Variants in DRC10 observed in about 807,000 individuals in gnomAD.
DRC10 encodes dynein regulatory complex subunit 10, also known as IQ domain-containing protein D.
the DRC10 span, among the ~76,000 whole-genome samples, chr12:113,217,534 T>C: frequency 6.6e-6 from 1 of 152,176 alleles, no homozygotes; most frequent in Non-Finnish European, 1.5e-5. Context: ...TTTTTTGTTG[T>C]GGTTGTTTTG....
chr12:113,202,586 A>G, the DRC10 span, among the ~76,000 whole-genome samples: 1 of 152,140 alleles, frequency 6.6e-6, no homozygotes, highest in Middle Eastern at 3.2e-3. Context: ...GGGTGTGGCT[A>G]CAAGATATGC....
chr12:113,200,320 C>A, the DRC10 span: 22 of 638,422 alleles, frequency 3.4e-5, no homozygotes, highest in Non-Finnish European at 5.5e-5. Flanking sequence ...AGCTGGCATG[C>A]AGCAATGCTG....
chr12:113,205,605 T>C, the DRC10 span, among the ~76,000 whole-genome samples: 7 of 152,118 alleles, frequency 4.6e-5, no homozygotes, highest in East Asian at 1.4e-3. Flanking sequence ...AATAAAGAAA[T>C]CAGGCCGGGC....
At chr12:113,199,037 A>C in the DRC10 span, among the ~76,000 whole-genome samples, 3 of 152,158 alleles carry the variant, frequency 2.0e-5, no homozygotes, top group East Asian at 5.8e-4. Flanking sequence ...TCCTGAGTTC[A>C]AGCAATTCTC....
At chr12:113,217,645 C>G in the DRC10 span, among the ~76,000 whole-genome samples, 3 of 152,222 alleles carry the variant, frequency 2.0e-5, no homozygotes, top group African/African-American at 7.2e-5. Context: ...AATTCTCGTG[C>G]CTCAGCCTCC....
chr12:113,197,969 C>T, the DRC10 span, among the ~76,000 whole-genome samples: 1 of 152,212 alleles, frequency 6.6e-6, no homozygotes, highest in African/African-American at 2.4e-5. Flanking sequence ...GTAATCCCAG[C>T]GCTTTGGGAG....
the DRC10 span, among the ~76,000 whole-genome samples, chr12:113,220,230 G>T: frequency 6.6e-6 from 1 of 152,090 alleles, no homozygotes; most frequent in Non-Finnish European, 1.5e-5. Flanking sequence ...TAGGATAAAG[G>T]CAAAAGTGGT....
At chr12:113,220,309 G>A in the DRC10 span, among the ~76,000 whole-genome samples, 4 of 152,166 alleles carry the variant, frequency 2.6e-5, no homozygotes, top group Non-Finnish European at 2.9e-5. Flanking sequence ...GGGCTGGAGT[G>A]CAATGGCGCT....
chr12:113,206,245 T>C, the DRC10 span: 1 of 149,276 alleles, frequency 6.7e-6, no homozygotes, highest in African/African-American at 2.5e-5. Context: ...AAGAAATCAA[T>C]ATACTCTGTT....
At chr12:113,197,558 CTG>C in the DRC10 span, 68 of 1,533,796 alleles carry the variant, frequency 4.4e-5, no homozygotes, top group South Asian at 6.5e-4. Flanking sequence ...TCACCCATCT[CTG>C]TATCATATTT....
At chr12:113,204,959 T>A in the DRC10 span, among the ~76,000 whole-genome samples, 2 of 152,064 alleles carry the variant, frequency 1.3e-5, no homozygotes, top group Non-Finnish European at 2.9e-5. Context: ...ATCCCTAGCT[T>A]GGAAGGTTCT....
At chr12:113,207,991 G>A in the DRC10 span, 74 of 1,613,944 alleles carry the variant, frequency 4.6e-5, no homozygotes, top group Middle Eastern at 1.6e-4. Context: ...CTTGTAGATC[G>A]CCTCATCCAG....
the DRC10 span, chr12:113,207,888 C>A: frequency 1.2e-6 from 2 of 1,614,078 alleles, no homozygotes; most frequent in Non-Finnish European, 1.7e-6. Context: ...GATCCTCATG[C>A]TCTCTCACTG....
chr12:113,219,525 T>C, the DRC10 span, among the ~76,000 whole-genome samples: 1 of 152,234 alleles, frequency 6.6e-6, no homozygotes, highest in South Asian at 2.1e-4. Context: ...AATTGAGTTG[T>C]CCTCTTATTG....
At chr12:113,195,528 CCTGGTCT>C in the DRC10 span, 1 of 1,525,086 alleles carries the variant, frequency 6.6e-7, no homozygotes, top group Non-Finnish European at 8.8e-7. Flanking sequence ...GCCTTCCTGG[CCTGGTCT>C]CTGGGAAGAT....
At chr12:113,201,159 C>T in the DRC10 span, among the ~76,000 whole-genome samples, 157 of 152,146 alleles carry the variant, frequency 1.0e-3, no homozygotes, top group African/African-American at 3.5e-3. Context: ...AAGCAACTCT[C>T]CATATCCACT....
chr12:113,201,829 G>A, the DRC10 span, among the ~76,000 whole-genome samples: 1 of 152,236 alleles, frequency 6.6e-6, no homozygotes, highest in African/African-American at 2.4e-5. Flanking sequence ...CAGTGCCTTT[G>A]GGGCAAGCCC....
At chr12:113,208,257 A>T in the DRC10 span, 1 of 1,488,024 alleles carries the variant, frequency 6.7e-7, no homozygotes, top group African/African-American at 1.4e-5. Context: ...GTCTCTGGCC[A>T]TCCTGCAAAA....
At chr12:113,205,661 G>C in the DRC10 span, among the ~76,000 whole-genome samples, 1 of 151,240 alleles carries the variant, frequency 6.6e-6, no homozygotes, top group African/African-American at 2.4e-5. Context: ...AGGCCGAGGC[G>C]GGTGGATCAT....
Sources: allele counts gnomAD v4.1 joint callset (sites outside exome capture counted in the v4.1 genomes callset), GRCh38; gene constraint gnomAD v4.1.1; transcripts MANE v1.5; gene names NCBI Gene and HGNC (gene_info 2026-07-23, HGNC 2026-07-21).